The following ZNF804B variants were observed in gnomAD, a reference collection of about 807,000 sequenced individuals.
ZNF804B encodes the protein zinc finger 804B.
Under a neutral mutation model 101.4 loss-of-function variants are expected in ZNF804B, and 80 were observed. The observed-to-expected ratio is 0.79, with a 90% confidence interval of 0.66 to 0.95. The LOEUF (loss-of-function observed/expected upper bound fraction) is 0.95. Among genes scored for constraint, ZNF804B ranks in the 40% least tolerant of loss-of-function variants. The probability of loss-of-function intolerance (pLI) is 0.00; values close to 1 mark genes in which losing one functional copy is unlikely to be tolerated. For synonymous variants in ZNF804B, 622 were observed against 558.8 expected (o/e 1.11, Z -1.59); for missense variants, 1,673 against 1,561.9 (o/e 1.07, Z -1.20).
chr7:89,101,226 CCGGCAGG>C (rs1790050447), intron 1 of ZNF804B, among the ~76,000 whole-genome samples: 1 of 151,774 alleles, frequency 6.6e-6, no homozygotes, highest in African/African-American at 2.4e-5. Context: ...AACAGTTCCT[CCGGCAGG>C]CATGTTTAGC....
intron 2 of ZNF804B, among the ~76,000 whole-genome samples, chr7:89,270,052 G>T (rs1789862223): frequency 6.6e-6 from 1 of 152,148 alleles, no homozygotes; most frequent in Non-Finnish European, 1.5e-5. Context: ...TTGCTGTGCA[G>T]AAACTCTTTA....
chr7:88,885,577 A>G (rs1187794821), intron 1 of ZNF804B, among the ~76,000 whole-genome samples: 1 of 150,856 alleles, frequency 6.6e-6, no homozygotes, highest in Non-Finnish European at 1.5e-5. Context: ...GCAGATGTAC[A>G]AAGAACAACT....
intron 2 of ZNF804B, among the ~76,000 whole-genome samples, chr7:89,228,603 C>G (rs1176739263): frequency 2.0e-5 from 3 of 152,124 alleles, no homozygotes; most frequent in Admixed American, 2.0e-4. Context: ...GTTTACAAAC[C>G]TTGAGCTAGT....
chr7:88,805,086 CACTT>C (rs1375771061), intron 1 of ZNF804B, among the ~76,000 whole-genome samples: 4 of 152,168 alleles, frequency 2.6e-5, no homozygotes, highest in African/African-American at 9.6e-5. Context: ...AATTTTATGA[CACTT>C]AATATTGAGA....
rs141132820 is a variant in ZNF804B at position 88,989,047 on chromosome 7, G to A, written c.108+228963G>A. Among the ~76,000 whole-genome samples the A allele has an allele frequency of 1.3e-4, 19 of 151,904 alleles. No individual in the cohort carries two copies. The East Asian group carries it at 3.3e-3, about 27-fold the overall frequency. On this transcript the variant is annotated intron_variant, in intron 1 of 3. Coordinates refer to ENST00000333190, the MANE Select transcript of ZNF804B (RefSeq NM_181646.5). ...TATTATTATTATTATTATTTGAGAC[G>A]GAGTCTCACTCTGTCACTATGCTGG...
chr7:88,930,524 A>G (rs1453371039), intron 1 of ZNF804B, among the ~76,000 whole-genome samples: 5 of 151,982 alleles, frequency 3.3e-5, no homozygotes, highest in Non-Finnish European at 5.9e-5. Flanking sequence ...GTCCCAGACC[A>G]TATTTAAAAA....
intron 1 of ZNF804B, among the ~76,000 whole-genome samples, chr7:89,056,617 A>G (rs1159917722): frequency 2.0e-5 from 3 of 152,150 alleles, no homozygotes; most frequent in Admixed American, 6.6e-5. Context: ...TAGGAAAAGC[A>G]TAATACCAAC....
chr7:89,007,278 G>T (rs572968045), intron 1 of ZNF804B, among the ~76,000 whole-genome samples: 1 of 151,248 alleles, frequency 6.6e-6, no homozygotes, highest in South Asian at 2.1e-4. Context: ...AACATAAGAG[G>T]CATTTTACAA....
chr7:88,926,356 G>T (rs1792796682), intron 1 of ZNF804B, among the ~76,000 whole-genome samples: 1 of 151,504 alleles, frequency 6.6e-6, no homozygotes, highest in African/African-American at 2.4e-5. Context: ...GGAGGCTGAG[G>T]CAGGCGGATC....
At chr7:89,056,382 A>T (rs115724783) in intron 1 of ZNF804B, among the ~76,000 whole-genome samples, 2 of 152,072 alleles carry the variant, frequency 1.3e-5, no homozygotes, top group Admixed American at 1.3e-4. Context: ...GAGAGGTGCT[A>T]TGTATGTTTA....
chr7:89,007,743 G>T (rs1490034905), intron 1 of ZNF804B, among the ~76,000 whole-genome samples: 1 of 150,256 alleles, frequency 6.7e-6, no homozygotes, highest in African/African-American at 2.4e-5. Context: ...CATGACTCAT[G>T]AAACTATAAG....
chr7:88,813,132 T>C (rs1364648284), intron 1 of ZNF804B, among the ~76,000 whole-genome samples: 4 of 152,108 alleles, frequency 2.6e-5, no homozygotes, highest in Non-Finnish European at 4.4e-5. Context: ...ATAAATCTTA[T>C]ATAGAGTTTT....
At chr7:89,092,231 T>A (rs866694330) in intron 1 of ZNF804B, among the ~76,000 whole-genome samples, 2 of 151,788 alleles carry the variant, frequency 1.3e-5, no homozygotes, top group East Asian at 3.9e-4. Flanking sequence ...TAATCCCATA[T>A]GTGGGCTCTA....
rs529329354 is a variant in ZNF804B, at chr7:88,845,396, A to G, written c.108+85312A>G. ...TTAGTACATGGTGTAGGAGCCTGAG[A>G]ATCACCTAGATGGCATTGCCACTGG... On this transcript the variant is annotated intron_variant, in intron 1 of 3. Coordinates refer to ENST00000333190, the MANE Select transcript of ZNF804B (RefSeq NM_181646.5). Among the ~76,000 whole-genome samples, 16 of 152,172 alleles carry G rather than the reference A, an allele frequency of 1.1e-4. No individual in the cohort carries two copies. The East Asian group carries it at 3.1e-3, about 29-fold the overall frequency.
Position 88,867,494 on chromosome 7 carries a change from G to A in ZNF804B, c.108+107410G>A, listed in dbSNP as rs572881138. ...CTTTTCTCTGCGTCTTTGTTCATCT[G>A]CATGCTTCACTAATTGAATGGTGCA... On this transcript the variant is annotated intron_variant, in intron 1 of 3. Transcript: ENST00000333190. 3.3e-5 allele frequency among the ~76,000 whole-genome samples: 5 copies of A among 152,278 alleles called. No homozygotes were observed. In the South Asian group the frequency reaches 1.0e-3, roughly 32 times the overall value.
intron 1 of ZNF804B, among the ~76,000 whole-genome samples, chr7:88,968,369 A>G (rs552689711): frequency 1.3e-5 from 2 of 151,672 alleles, no homozygotes; most frequent in African/African-American, 4.8e-5. Flanking sequence ...TTCTGATTGT[A>G]TCATTTTTGC....
intron 1 of ZNF804B, among the ~76,000 whole-genome samples, chr7:89,092,523 C>G (rs764470522): frequency 3.4e-5 from 5 of 149,064 alleles, no homozygotes; most frequent in Non-Finnish European, 7.4e-5. Flanking sequence ...AGTGATTCTC[C>G]TGCCTCAGCC....
intron 1 of ZNF804B, among the ~76,000 whole-genome samples, chr7:88,959,675 T>C (rs1000968468): frequency 6.6e-6 from 1 of 151,422 alleles, no homozygotes; most frequent in African/African-American, 2.4e-5. Context: ...GTTTGCATAC[T>C]GATAGCTGCT....
At chr7:89,167,290 A>G (rs1791158417) in intron 1 of ZNF804B, among the ~76,000 whole-genome samples, 1 of 151,818 alleles carries the variant, frequency 6.6e-6, no homozygotes, top group East Asian at 1.9e-4. Flanking sequence ...TAAAAAAAAA[A>G]AAATTAGCCG....
Sources: allele counts gnomAD v4.1 joint callset (sites outside exome capture counted in the v4.1 genomes callset), GRCh38; gene constraint gnomAD v4.1.1; transcripts MANE v1.5; gene names NCBI Gene and HGNC (gene_info 2026-07-23, HGNC 2026-07-21).